Variants in GLRA1 observed in about 807,000 individuals in gnomAD.
GLRA1 encodes the protein glycine receptor alpha 1.
A neutral mutation model predicts 48.3 loss-of-function variants in GLRA1; 37 were observed. The ratio of observed to expected loss-of-function variants is 0.77; its 90% CI spans 0.59 to 1.01. The LOEUF is 1.01. GLRA1 is among the 50% of genes least tolerant of loss of function. GLRA1 has a pLI of 0.00. For synonymous variants in GLRA1, 196 were observed against 210.7 expected, an observed-to-expected ratio of 0.93 and a Z score of 0.60; for missense variants, 427 against 571.0, an observed-to-expected ratio of 0.75 and a Z score of 2.57.
At chr5:151,915,961 T>A (rs941432506) in intron 1 of GLRA1, among the ~76,000 whole-genome samples, 3 of 152,142 alleles carry the variant, frequency 2.0e-5, no homozygotes, top group Non-Finnish European at 4.4e-5. Context: ...TTTCCAGCTC[T>A]TTTTTTCTAG....
chr5:151,831,460 G>A (rs762989994), intron 7 of GLRA1, among the ~76,000 whole-genome samples: 5 of 152,190 alleles, frequency 3.3e-5, no homozygotes, highest in African/African-American at 9.7e-5. Context: ...TGAGCTTGGT[G>A]GGGGGAGGAG....
At chr5:151,846,605 C>A (rs907741140) in intron 7 of GLRA1, among the ~76,000 whole-genome samples, 4 of 152,152 alleles carry the variant, frequency 2.6e-5, no homozygotes, top group Middle Eastern at 3.4e-3. Flanking sequence ...CTGCTGATGG[C>A]AAATGAAACA....
chr5:151,886,653 A>G, intron 3 of GLRA1, 68 bp downstream of exon 3: 2 of 1,170,040 alleles, frequency 1.7e-6, no homozygotes, highest in South Asian at 1.2e-5. Flanking sequence ...AGACCAATGC[A>G]GAGGATAAAT....
At chr5:151,921,557 G>A (rs1754874679) in intron 1 of GLRA1, among the ~76,000 whole-genome samples, 1 of 152,190 alleles carries the variant, frequency 6.6e-6, no homozygotes, top group Non-Finnish European at 1.5e-5. Flanking sequence ...GGAGAAACAT[G>A]TGTCTGTTTG....
At chr5:151,895,202 G>A (rs1173064778) in intron 1 of GLRA1, among the ~76,000 whole-genome samples, 2 of 152,152 alleles carry the variant, frequency 1.3e-5, no homozygotes, top group Admixed American at 6.5e-5. Context: ...GTGTTCATGT[G>A]TATGTATTTC....
intron 8 of GLRA1, among the ~76,000 whole-genome samples, chr5:151,826,239 G>A (rs1407510009): frequency 2.6e-5 from 4 of 152,100 alleles, no homozygotes; most frequent in African/African-American, 4.8e-5. Flanking sequence ...TTTTTTTCTA[G>A]TGAAGCCAGA....
intron 5 of GLRA1, among the ~76,000 whole-genome samples, chr5:151,855,725 T>G (rs1445496843): frequency 6.6e-6 from 1 of 152,258 alleles, no homozygotes; most frequent in Admixed American, 6.5e-5. Context: ...TCCTGTTGCC[T>G]AAGTGCTCTG....
chr5:151,853,890 G>GAC (rs1352633521), intron 6 of GLRA1, among the ~76,000 whole-genome samples: 4 of 151,486 alleles, frequency 2.6e-5, no homozygotes, highest in Non-Finnish European at 4.4e-5. Context: ...GTTCTTACTA[G>GAC]ACACACACAC....
intron 7 of GLRA1, among the ~76,000 whole-genome samples, chr5:151,846,695 G>A (rs1415575682): frequency 1.3e-5 from 2 of 152,172 alleles, no homozygotes; most frequent in Non-Finnish European, 2.9e-5. Context: ...ACTGTTCTAG[G>A]TTAAAAGAGA....
chr5:151,828,773 G>GA, intron 8 of GLRA1, 148 bp downstream of exon 8: 3 of 792,698 alleles, frequency 3.8e-6, no homozygotes, highest in Non-Finnish European at 6.0e-6. Flanking sequence ...GGAAAGCTGA[G>GA]ACCTCTAGGT....
intron 7 of GLRA1, among the ~76,000 whole-genome samples, chr5:151,837,949 TAAATA>T (rs1460111684): frequency 1.3e-5 from 2 of 152,114 alleles, no homozygotes; most frequent in African/African-American, 4.8e-5. Flanking sequence ...TCCCAGAACT[TAAATA>T]AAATGTCCAT....
rs151200475 is a variant in GLRA1 at position 151,897,486 on chromosome 5, A to G, written c.57-5048T>C. 7.2e-4 allele frequency among the ~76,000 whole-genome samples: 110 copies of G among 152,282 alleles called. 3 individuals are homozygous for G. In the East Asian group the frequency reaches 0.018, roughly 25 times the overall value. ...TTTTTTCAGAGATTACTAAAATACA[A>G]TGGGTGAATCAGACTCAGTTTAGGC... On this transcript the variant is annotated intron_variant, in intron 1 of 8. Coordinates refer to ENST00000274576, the MANE Select transcript of GLRA1 (RefSeq NM_000171.4).
chr5:151,919,577 A>G (rs1343765064), intron 1 of GLRA1, among the ~76,000 whole-genome samples: 1 of 152,246 alleles, frequency 6.6e-6, no homozygotes, highest in Non-Finnish European at 1.5e-5. Context: ...TCTTATAATA[A>G]TTGAAATACA....
chr5:151,859,625 GA>G lies in GLRA1; in HGVS notation c.476+159del, dbSNP rs548321164. Among the ~76,000 whole-genome samples the G allele has an allele frequency of 2.2e-4, 34 of 152,228 alleles. No homozygotes were observed. In the East Asian group the frequency reaches 6.2e-3, roughly 28 times the overall value. On this transcript the variant is annotated intron_variant, in intron 4 of 8. Coordinates refer to ENST00000274576, the MANE Select transcript of GLRA1 (RefSeq NM_000171.4). Reference sequence around the variant, plus strand: ...CCATTGTATTTTATTCTTACTTGCCGAGTATAAGTTACAGAGCTGGGTCTAC... The same window carrying G: ...CCATTGTATTTTATTCTTACTTGCCGGTATAAGTTACAGAGCTGGGTCTAC...
At chr5:151,840,569 G>A (rs939019103) in intron 7 of GLRA1, among the ~76,000 whole-genome samples, 1 of 152,022 alleles carries the variant, frequency 6.6e-6, no homozygotes, top group Non-Finnish European at 1.5e-5. Context: ...GAAAGTTAGA[G>A]ATTGTCAGAC....
chr5:151,850,883 C>T, intron 7 of GLRA1: 1 of 612,900 alleles, frequency 1.6e-6, no homozygotes, highest in Non-Finnish European at 3.0e-6. Context: ...AATTGCAACT[C>T]AAAGGGTGGA....
chr5:151,850,300 G>T, intron 7 of GLRA1: 2 of 1,601,084 alleles, frequency 1.2e-6, no homozygotes, highest in Non-Finnish European at 1.7e-6. Flanking sequence ...ACCGGACCCT[G>T]TGAAAGAATC....
At chr5:151,865,333 A>G (rs1753308382) in intron 3 of GLRA1, among the ~76,000 whole-genome samples, 1 of 152,208 alleles carries the variant, frequency 6.6e-6, no homozygotes, top group African/African-American at 2.4e-5. Flanking sequence ...GAAAGTCTCC[A>G]GGTAGAAGTG....
At chr5:151,889,311 T>C (rs1462377312) in intron 2 of GLRA1, among the ~76,000 whole-genome samples, 1 of 152,272 alleles carries the variant, frequency 6.6e-6, no homozygotes, top group African/African-American at 2.4e-5. Context: ...CATTGGGCTG[T>C]GCCCCTAATC....
Sources: gnomAD v4.1 joint callset for allele counts (sites outside exome capture counted in the v4.1 genomes callset) on GRCh38, gnomAD v4.1.1 for gene constraint, MANE v1.5 for transcripts, NCBI Gene and HGNC (gene_info 2026-07-23, HGNC 2026-07-21) for gene names.